The following CIT variants were observed in gnomAD, a reference collection of about 807,000 sequenced individuals.
CIT encodes the protein citron rho-interacting serine/threonine kinase.
Under a neutral mutation model 272.7 loss-of-function variants are expected in CIT, and 79 were observed. The ratio of observed to expected loss-of-function variants is 0.29; its 90% CI spans 0.24 to 0.35. CIT has a LOEUF of 0.35. Ranked by LOEUF, CIT falls within the 10% of genes least tolerant of loss-of-function variation. CIT has a pLI of 1.00. For synonymous variants in CIT, 948 were observed against 995.6 expected (o/e 0.95, Z 0.90); for missense variants, 1,909 against 2,618.3 (o/e 0.73, Z 5.91).
At position 119,714,205 on chromosome 12, in the gene CIT, T is replaced by C. The variant is rs1216129889; in HGVS notation, c.4298A>G (p.Lys1433Arg). 1 of 1,614,060 alleles carries C rather than the reference T, an allele frequency of 6.2e-7. No individual in the cohort carries two copies. Among genetic ancestry groups the C allele is most frequent in the Non-Finnish European group, 8.5e-7 (1 of 1,180,002 alleles). ...ACAACTACTGATCTTACCGAGACAT[T>C]TGGATGCCTGGCGTCCAAAGTGCAC... ...DTVHFGRQAS[K>R]CLECQVMCHP... The change falls in exon 33 of 48, where the codon AAA (lysine) becomes AGA (arginine). Residue 1433 changes from lysine (K) to arginine (R), a missense_variant. Physicochemically the swap from Lys to Arg is conservative, Grantham distance 26. This residue lies in a region of CIT where 780 missense variants were observed against 1,067.2 expected (regional missense o/e 0.73). Coordinates refer to ENST00000392521, the MANE Select transcript of CIT (RefSeq NM_001206999.2).
intron 9 of CIT, among the ~76,000 whole-genome samples, chr12:119,805,750 TAA>T (rs902441359): frequency 6.6e-6 from 1 of 152,190 alleles, no homozygotes; most frequent in African/African-American, 2.4e-5. Flanking sequence ...TACTATAAAA[TAA>T]GATTCATCTA....
At chr12:119,829,483 G>T (rs943297412) in intron 7 of CIT, among the ~76,000 whole-genome samples, 7 of 152,154 alleles carry the variant, frequency 4.6e-5, no homozygotes, top group Non-Finnish European at 8.8e-5. Flanking sequence ...GCAGAAGCAG[G>T]GGGAAAAGGA....
At chr12:119,842,312 C>T (rs1306202166) in intron 5 of CIT, among the ~76,000 whole-genome samples, 1 of 148,844 alleles carries the variant, frequency 6.7e-6, no homozygotes, top group Non-Finnish European at 1.5e-5. Context: ...TCAATTGAAC[C>T]CAGGAGGTAG....
chr12:119,815,946 A>G (rs941990169), intron 9 of CIT, among the ~76,000 whole-genome samples: 1 of 152,182 alleles, frequency 6.6e-6, no homozygotes, highest in Admixed American at 6.5e-5. Context: ...TCAAAAAAAC[A>G]AAGGCAAAGA....
At chr12:119,732,375 A>C (rs1370006508) in intron 26 of CIT, among the ~76,000 whole-genome samples, 2 of 152,140 alleles carry the variant, frequency 1.3e-5, no homozygotes, top group Non-Finnish European at 2.9e-5. Flanking sequence ...TCCTACCCCA[A>C]AAATGATCTC....
intron 26 of CIT, among the ~76,000 whole-genome samples, chr12:119,733,357 C>T (rs1474820471): frequency 6.6e-6 from 1 of 151,812 alleles, no homozygotes; most frequent in African/African-American, 2.4e-5. Flanking sequence ...CGGTGAAACC[C>T]CGTCTCTACA....
intron 13 of CIT, among the ~76,000 whole-genome samples, chr12:119,778,900 C>A (rs143600850): frequency 2.8e-4 from 43 of 152,176 alleles, no homozygotes; most frequent in Admixed American, 1.9e-3. Flanking sequence ...AACCAAAGAT[C>A]TTTATAACCT....
At chr12:119,696,587 G>A (rs1326539412) in intron 46 of CIT, among the ~76,000 whole-genome samples, 1 of 152,138 alleles carries the variant, frequency 6.6e-6, no homozygotes, top group Non-Finnish European at 1.5e-5. Flanking sequence ...GTACAGTGGT[G>A]TGATCTCAGC....
At chr12:119,706,931 C>T (rs909942347) in intron 40 of CIT, among the ~76,000 whole-genome samples, 9 of 152,170 alleles carry the variant, frequency 5.9e-5, no homozygotes, top group African/African-American at 2.2e-4. Context: ...TTTTTCTCCA[C>T]GACCTCACCA....
chr12:119,691,509 G>GACGACCGAGAGGTGTAGGGATCAGGCCT (rs1955947040), intron 46 of CIT, among the ~76,000 whole-genome samples: 1 of 152,248 alleles, frequency 6.6e-6, no homozygotes, highest in Non-Finnish European at 1.5e-5. Context: ...ATGACAATAA[G>GACGACCGAGAGGTGTAGGGATCAGGCCT]ACGACCGAGA....
At position 119,712,765 on chromosome 12, in the gene CIT, G is replaced by T; in HGVS notation, c.4580-70C>A. The T allele has an allele frequency of 7.7e-7, 1 of 1,303,342 alleles. No homozygotes were observed. The highest frequency in any genetic ancestry group is 1.1e-6 in the Non-Finnish European group (1 of 903,686). 80.7% of individuals were successfully genotyped at this position (1,303,342 alleles called of 1,614,324 possible). ...AACAAGAACAAGGGGAGAAGAGAGAGCGAGAGAGACAGCAAGGGAGAGAGA... is the reference window on the plus strand; with the variant it reads ...AACAAGAACAAGGGGAGAAGAGAGATCGAGAGAGACAGCAAGGGAGAGAGA... On this transcript the variant is annotated intron_variant, in intron 35 of 47. Coordinates refer to ENST00000392521, the MANE Select transcript of CIT (RefSeq NM_001206999.2). The surrounding 1 kb of genome is among the most constrained non-coding windows in gnomAD (Gnocchi z 5.2).
At position 119,789,481 on chromosome 12, in the gene CIT, C is replaced by T. The variant is rs531416365; in HGVS notation, c.1296-4416G>A. 1.0e-3 allele frequency among the ~76,000 whole-genome samples: 157 copies of T among 152,226 alleles called. 2 individuals carry two copies. Among genetic ancestry groups the T allele is most frequent in the Non-Finnish European group, 2.2e-4 (15 of 68,004 alleles). ...GTGTTAATAATTCAGTTAAAATATA[C>T]CATTTCCATGAATTTCTATAAAAGA... On this transcript the variant is annotated intron_variant, in intron 10 of 47. Coordinates refer to ENST00000392521, the MANE Select transcript of CIT (RefSeq NM_001206999.2).
chr12:119,800,324 C>A (rs1966086097), intron 10 of CIT, among the ~76,000 whole-genome samples: 1 of 152,170 alleles, frequency 6.6e-6, no homozygotes, highest in Non-Finnish European at 1.5e-5. Context: ...TCTCCAGCTC[C>A]CACCAACTCA....
At chr12:119,732,644 T>A (rs549494839) in intron 26 of CIT, among the ~76,000 whole-genome samples, 1 of 152,328 alleles carries the variant, frequency 6.6e-6, no homozygotes, top group Admixed American at 6.5e-5. Flanking sequence ...CTCCAAACTT[T>A]TGGAGCTCAA....
At chr12:119,734,449 T>C in intron 25 of CIT, 92 bp from the exon 26 acceptor site, 1 of 1,331,302 alleles carries the variant, frequency 7.5e-7, no homozygotes, top group South Asian at 1.2e-5. Context: ...AAAGCACAAG[T>C]TTCTAACTAC....
chr12:119,758,027 C>T (rs1030442352), intron 21 of CIT, among the ~76,000 whole-genome samples: 10 of 152,150 alleles, frequency 6.6e-5, no homozygotes, highest in African/African-American at 2.2e-4. Flanking sequence ...AAACCTAGAA[C>T]GACTCAAAGA....
At position 119,697,860 on chromosome 12, in the gene CIT, G is replaced by A. The variant is rs1453252608; in HGVS notation, c.5703-22C>T. ...GGTCCTGCAGAGTCCCAGAGTTCCA[G>A]TTACCTTCATTGCAGGCTACCTCCA... On this transcript the variant is annotated intron_variant, in intron 45 of 47. Coordinates refer to ENST00000392521, the MANE Select transcript of CIT (RefSeq NM_001206999.2). The surrounding 1 kb of genome is among the most constrained non-coding windows in gnomAD (Gnocchi z 4.9). 6.2e-6 allele frequency: 10 copies of A among 1,613,702 alleles called. No individual in the cohort carries two copies. Among genetic ancestry groups the A allele is most frequent in the Non-Finnish European group, 8.5e-6 (10 of 1,179,674 alleles).
intron 10 of CIT, among the ~76,000 whole-genome samples, chr12:119,801,193 T>C (rs1966164864): frequency 6.6e-6 from 1 of 152,232 alleles, no homozygotes; most frequent in South Asian, 2.1e-4. Context: ...TTTTGTGCTC[T>C]AAGGATATAG....
At chr12:119,794,651 G>A (rs1448792462) in intron 10 of CIT, among the ~76,000 whole-genome samples, 1 of 152,160 alleles carries the variant, frequency 6.6e-6, no homozygotes, top group Non-Finnish European at 1.5e-5. Flanking sequence ...ACTCCATTCA[G>A]AGTAAAAAAT....
Sources: allele counts gnomAD v4.1 joint callset (sites outside exome capture counted in the v4.1 genomes callset), GRCh38; gene constraint gnomAD v4.1.1; regional missense constraint gnomAD v4.1.1; non-coding constraint Gnocchi (gnomAD v3.1); transcripts MANE v1.5; gene names NCBI Gene and HGNC (gene_info 2026-07-23, HGNC 2026-07-21).